The following DSCAM variants were observed in gnomAD, a reference collection of about 807,000 sequenced individuals.
The protein encoded by DSCAM is cell adhesion molecule DSCAM.
DSCAM carries 47 observed loss-of-function variants against 217.7 expected under a neutral mutation model. That is an observed-to-expected ratio of 0.22 (90% CI 0.17 to 0.28). The LOEUF (loss-of-function observed/expected upper bound fraction) is 0.28. Among genes scored for constraint, DSCAM ranks in the 10% least tolerant of loss-of-function variants. The pLI is 1.00. For synonymous variants in DSCAM, 1,056 were observed against 1,015.3 expected, an observed-to-expected ratio of 1.04 and a Z score of -0.76; for missense variants, 2,080 against 2,618.3, an observed-to-expected ratio of 0.79 and a Z score of 4.49.
intron 3 of DSCAM, among the ~76,000 whole-genome samples, chr21:40,614,491 T>C (rs2837750): frequency 0.43 from 65,521 of 152,006 alleles, 14,477 homozygotes; most frequent in East Asian, 0.55. Context: ...AAAAAAGACC[T>C]ACTGTGTGAA....
At chr21:40,315,096 A>G (rs1220399770) in intron 8 of DSCAM, among the ~76,000 whole-genome samples, 1 of 152,268 alleles carries the variant, frequency 6.6e-6, no homozygotes, top group Middle Eastern at 3.4e-3. Context: ...CATATTTTTT[A>G]ATCTAGCTAT....
intron 3 of DSCAM, among the ~76,000 whole-genome samples, chr21:40,571,058 CA>C (rs1485687849): frequency 6.6e-6 from 1 of 151,624 alleles, no homozygotes; most frequent in Non-Finnish European, 1.5e-5. Flanking sequence ...ATTTCAAAAT[CA>C]CACCTAGGTA....
chr21:40,784,559 A>G lies in DSCAM; in HGVS notation c.43+62060T>C, dbSNP rs200842652. Among the ~76,000 whole-genome samples the G allele has an allele frequency of 5.3e-5, 8 of 152,190 alleles. No individual in the cohort carries two copies. In the East Asian group the frequency reaches 1.5e-3, roughly 29 times the overall value. On this transcript the variant is annotated intron_variant, in intron 1 of 32. Transcript: ENST00000400454. Reference sequence around the variant, plus strand: ...ATTAGAATCTCCTTTGCACAAATATATTTGCAATGGGCCGAATATCTGTGC... The same window carrying G: ...ATTAGAATCTCCTTTGCACAAATATGTTTGCAATGGGCCGAATATCTGTGC...
rs535847348 is a variant in DSCAM at position 40,367,360 on chromosome 21, T to A, written c.655+1739A>T. Among the ~76,000 whole-genome samples, 4 of 152,352 alleles carry A rather than the reference T, an allele frequency of 2.6e-5. No homozygotes were observed. The South Asian group carries it at 8.3e-4, about 32-fold the overall frequency. On this transcript the variant is annotated intron_variant, in intron 4 of 32. Transcript: ENST00000400454. ...AGTTGTGTTGAAGGTGCCATCCATG[T>A]ACTTTTTTCTTTGTCATCCTATTTT...
chr21:40,455,201 G>T (rs1385152384), intron 3 of DSCAM, among the ~76,000 whole-genome samples: 2 of 152,126 alleles, frequency 1.3e-5, no homozygotes, highest in African/African-American at 4.8e-5. Context: ...GGAAAAACAA[G>T]TGGAACATAA....
intron 6 of DSCAM, among the ~76,000 whole-genome samples, chr21:40,346,268 C>T (rs2074556467): frequency 6.6e-6 from 1 of 152,318 alleles, no homozygotes; most frequent in East Asian, 1.9e-4. Context: ...GAATACCATG[C>T]CTTCAGCTAA....
At position 40,013,356 on chromosome 21, in the gene DSCAM, C is replaced by T. The variant is rs1462251304; in HGVS notation, c.5717G>A (p.Arg1906Lys). 6.3e-7 allele frequency: 1 copy of T among 1,592,676 alleles called. No homozygotes were observed. The highest frequency in any genetic ancestry group is 1.8e-5 in the Admixed American group (1 of 56,930). Residue 1906 changes from arginine to lysine, a missense_variant, in exon 33 of 33, where the codon AGA (arginine) becomes AAA (lysine). Arg to Lys is a conservative substitution (Grantham distance 26). Around this residue, in one of 5 missense-constraint regions of DSCAM, gnomAD observed 145 missense variants for 138.5 expected, o/e 1.05. Transcript: ENST00000400454. ...ACCTCGGTTTAACAAAAAGTCCATT[C>T]TAAGGTATGGAGGCAAATGTATGAG... Reference protein sequence around the residue: ...GDLIHLPPYLRMDFLLNRGGP... With the variant: ...GDLIHLPPYLKMDFLLNRGGP...
intron 32 of DSCAM, among the ~76,000 whole-genome samples, chr21:40,035,990 A>AG (rs2088614881): frequency 6.9e-6 from 1 of 145,130 alleles, no homozygotes; most frequent in Non-Finnish European, 1.5e-5. Flanking sequence ...ACAACATACC[A>AG]GAATCTCTGG....
chr21:40,765,884 A>T (rs997453993), intron 1 of DSCAM, among the ~76,000 whole-genome samples: 2 of 152,140 alleles, frequency 1.3e-5, no homozygotes, highest in African/African-American at 4.8e-5. Context: ...CTCATCTCAC[A>T]TGTGGCTGGT....
chr21:40,252,352 T>C (rs1222929856), intron 11 of DSCAM, among the ~76,000 whole-genome samples: 1 of 152,200 alleles, frequency 6.6e-6, no homozygotes, highest in Admixed American at 6.5e-5. Context: ...GTAAGCCTAC[T>C]GGATTCTTAG....
chr21:40,687,305 T>C (rs2090490067), intron 3 of DSCAM, among the ~76,000 whole-genome samples: 1 of 152,208 alleles, frequency 6.6e-6, no homozygotes, highest in Non-Finnish European at 1.5e-5. Flanking sequence ...CTAGGTTTTT[T>C]TTAAATTTCA....
intron 3 of DSCAM, among the ~76,000 whole-genome samples, chr21:40,541,974 T>C (rs2076546111): frequency 6.6e-6 from 1 of 152,152 alleles, no homozygotes; most frequent in Admixed American, 6.5e-5. Context: ...GTCACTTGCA[T>C]AGATCAGTGG....
chr21:40,322,872 G>C (rs769118597), intron 8 of DSCAM, among the ~76,000 whole-genome samples: 7 of 152,130 alleles, frequency 4.6e-5, no homozygotes, highest in Non-Finnish European at 8.8e-5. Context: ...AGGTGTTTAA[G>C]ACCCACATGT....
At chr21:40,294,506 AAG>A (rs1294142263) in intron 10 of DSCAM, among the ~76,000 whole-genome samples, 1 of 152,232 alleles carries the variant, frequency 6.6e-6, no homozygotes, top group Non-Finnish European at 1.5e-5. Context: ...AGTACAGAGT[AAG>A]AGCCTTGTAT....
chr21:40,410,234 T>G (rs2075310890), intron 3 of DSCAM, among the ~76,000 whole-genome samples: 2 of 151,838 alleles, frequency 1.3e-5, no homozygotes, highest in Admixed American at 1.3e-4. Flanking sequence ...TTGGTTGGGA[T>G]TAATAGGAAG....
At chr21:40,160,367 G>C (rs1420795184) in intron 16 of DSCAM, among the ~76,000 whole-genome samples, 2 of 152,100 alleles carry the variant, frequency 1.3e-5, no homozygotes, top group African/African-American at 4.8e-5. Context: ...TTTACTTGTT[G>C]GAAATGGATT....
chr21:40,079,172 C>T (rs544836137), intron 25 of DSCAM, among the ~76,000 whole-genome samples, 195 bp from the exon 26 acceptor site: 7 of 152,288 alleles, frequency 4.6e-5, no homozygotes, highest in Non-Finnish European at 5.9e-5. Flanking sequence ...ACTGTAATGA[C>T]CTGGGTGTGT....
intron 3 of DSCAM, among the ~76,000 whole-genome samples, chr21:40,461,378 A>C (rs888579721): frequency 6.6e-6 from 1 of 152,188 alleles, no homozygotes; most frequent in African/African-American, 2.4e-5. Flanking sequence ...TGGCACACAT[A>C]CATATGATTC....
chr21:40,200,802 A>G (rs2091061800), intron 11 of DSCAM, among the ~76,000 whole-genome samples: 1 of 152,154 alleles, frequency 6.6e-6, no homozygotes. Flanking sequence ...ATGAGGATTA[A>G]TGAGATTATG....
Sources: gnomAD v4.1 joint callset for allele counts (sites outside exome capture counted in the v4.1 genomes callset) on GRCh38, gnomAD v4.1.1 for gene constraint, gnomAD v4.1.1 regional missense constraint, MANE v1.5 for transcripts, NCBI Gene and HGNC (gene_info 2026-07-23, HGNC 2026-07-21) for gene names.